Variants in NAT1 observed in about 807,000 individuals in gnomAD.
The protein encoded by NAT1 is arylamine N-acetyltransferase 1.
For missense variants in NAT1, 400 were observed against 339.2 expected, an observed-to-expected ratio of 1.18 and a Z score of -1.41; for synonymous variants, 144 against 122.6, an observed-to-expected ratio of 1.17 and a Z score of -1.16.
intron 2 of NAT1, among the ~76,000 whole-genome samples, chr8:18,205,074 G>A (rs537672666): frequency 1.0e-3 from 152 of 152,228 alleles, no homozygotes; most frequent in African/African-American, 3.4e-3. Flanking sequence ...AGGTACTCCC[G>A]GACCATTGGT....
chr8:18,189,235 A>G (rs1589068029), intron 2 of NAT1, among the ~76,000 whole-genome samples: 1 of 152,080 alleles, frequency 6.6e-6, no homozygotes, highest in Non-Finnish European at 1.5e-5. Context: ...TTATGGCAGC[A>G]ATTTTATTCA....
intron 2 of NAT1, among the ~76,000 whole-genome samples, chr8:18,192,975 A>T (rs538398395): frequency 2.6e-5 from 4 of 152,060 alleles, no homozygotes; most frequent in African/African-American, 9.6e-5. Flanking sequence ...ATGTACCCTA[A>T]AACTTAAAGT....
At chr8:18,217,047 G>T in intron 1 of NAT1, 1 of 1,221,090 alleles carries the variant, frequency 8.2e-7, no homozygotes, top group Non-Finnish European at 1.2e-6. Flanking sequence ...AGGGAGAAAG[G>T]CAACTTGTAG....
intron 1 of NAT1, among the ~76,000 whole-genome samples, chr8:18,210,516 C>T (rs921469810): frequency 6.6e-6 from 1 of 152,206 alleles, no homozygotes; most frequent in Non-Finnish European, 1.5e-5. Context: ...GTGAGGATTA[C>T]ATACGTGTAT....
At chr8:18,217,480 C>A (rs28359505) in intron 1 of NAT1, among the ~76,000 whole-genome samples, 1 of 152,174 alleles carries the variant, frequency 6.6e-6, no homozygotes, top group East Asian at 1.9e-4. Context: ...ACATACTGAA[C>A]GAGTGTTGAG....
At chr8:18,174,161 A>G (rs1380483953) in intron 2 of NAT1, among the ~76,000 whole-genome samples, 4 of 152,164 alleles carry the variant, frequency 2.6e-5, no homozygotes, top group African/African-American at 4.8e-5. Flanking sequence ...TGCTATCAAT[A>G]TCTGAGCAAG....
At chr8:18,175,885 T>C (rs1802277908) in intron 2 of NAT1, among the ~76,000 whole-genome samples, 1 of 152,142 alleles carries the variant, frequency 6.6e-6, no homozygotes, top group Non-Finnish European at 1.5e-5. Flanking sequence ...CATTCCTCTT[T>C]TGGATAATAG....
intron 1 of NAT1, among the ~76,000 whole-genome samples, chr8:18,216,283 T>G (rs966944665): frequency 6.6e-6 from 1 of 152,200 alleles, no homozygotes; most frequent in Admixed American, 6.5e-5. Context: ...CGCTGATACT[T>G]GCTGCCCATT....
intron 2 of NAT1, among the ~76,000 whole-genome samples, chr8:18,187,735 G>C (rs1589065313): frequency 6.6e-6 from 1 of 151,888 alleles, no homozygotes; most frequent in African/African-American, 2.4e-5. Context: ...AACGGGATAA[G>C]GAAAAATACC....
At chr8:18,181,541 T>G (rs919258263) in intron 2 of NAT1, among the ~76,000 whole-genome samples, 6 of 152,192 alleles carry the variant, frequency 3.9e-5, no homozygotes, top group African/African-American at 1.4e-4. Context: ...TTCTTTCCAG[T>G]TGAGATGCCC....
chr8:18,218,019 C>A (rs370012040), intron 1 of NAT1, among the ~76,000 whole-genome samples: 1 of 152,126 alleles, frequency 6.6e-6, no homozygotes, highest in African/African-American at 2.4e-5. Flanking sequence ...TGACTGAGAC[C>A]GTAAGTGGGA....
chr8:18,220,037 G>A (rs143905172), intron 2 of NAT1, among the ~76,000 whole-genome samples: 18 of 152,272 alleles, frequency 1.2e-4, no homozygotes, highest in African/African-American at 3.6e-4. Context: ...TGTATAAACC[G>A]CCTTCGTCCT....
chr8:18,207,187 T>C (rs1454409068), upstream of NAT1, among the ~76,000 whole-genome samples: 3 of 152,190 alleles, frequency 2.0e-5, no homozygotes, highest in African/African-American at 7.2e-5. Flanking sequence ...ATTGTAGATG[T>C]GTGGTCTTAT....
intron 2 of NAT1, among the ~76,000 whole-genome samples, chr8:18,191,320 G>C (rs1330381810): frequency 1.3e-5 from 2 of 152,048 alleles, no homozygotes; most frequent in African/African-American, 2.4e-5. Context: ...TCACTTAGTG[G>C]TGTTTTTAGT....
intron 2 of NAT1, among the ~76,000 whole-genome samples, chr8:18,198,506 C>G (rs1197993206): frequency 6.6e-6 from 1 of 152,202 alleles, no homozygotes; most frequent in African/African-American, 2.4e-5. Context: ...TTAAATCACT[C>G]TTTCCAGCAA....
At chr8:18,202,636 C>G (rs1320304615) in intron 2 of NAT1, among the ~76,000 whole-genome samples, 1 of 152,142 alleles carries the variant, frequency 6.6e-6, no homozygotes, top group Non-Finnish European at 1.5e-5. Flanking sequence ...GTGAGCGTTA[C>G]AGCTATTAAA....
At chr8:18,204,475 C>A (rs1053166279) in intron 2 of NAT1, among the ~76,000 whole-genome samples, 1 of 152,036 alleles carries the variant, frequency 6.6e-6, no homozygotes, top group African/African-American at 2.4e-5. Flanking sequence ...AATATCTGAA[C>A]CATTTAAGTA....
At chr8:18,186,932 G>T (rs539475159) in intron 2 of NAT1, among the ~76,000 whole-genome samples, 1 of 152,262 alleles carries the variant, frequency 6.6e-6, no homozygotes, top group Non-Finnish European at 1.5e-5. Flanking sequence ...GAAAGCTGCA[G>T]GGAAGGGGCC....
chr8:18,194,217 G>A (rs1202685600), intron 2 of NAT1, among the ~76,000 whole-genome samples: 1 of 152,156 alleles, frequency 6.6e-6, no homozygotes, highest in Non-Finnish European at 1.5e-5. Flanking sequence ...ATCACAAAAC[G>A]TGATTATTAA....
Sources: allele counts gnomAD v4.1 joint callset (sites outside exome capture counted in the v4.1 genomes callset), GRCh38; gene constraint gnomAD v4.1.1; transcripts MANE v1.5; gene names NCBI Gene and HGNC (gene_info 2026-07-23, HGNC 2026-07-21).